Variants in SMPD2 observed in about 807,000 individuals in gnomAD.
The protein encoded by SMPD2 is sphingomyelin phosphodiesterase 2.
Under a neutral mutation model 41.7 loss-of-function variants are expected in SMPD2, and 35 were observed. The ratio of observed to expected loss-of-function variants is 0.84; its 90% CI spans 0.64 to 1.11. The LOEUF (loss-of-function observed/expected upper bound fraction) is 1.11, where lower values mean the gene tolerates loss of function less well. Among genes scored for constraint, SMPD2 ranks in the 50% most tolerant of loss-of-function variants. SMPD2 has a pLI of 0.00. For missense variants in SMPD2, 520 were observed against 524.8 expected (o/e 0.99, Z 0.09); for synonymous variants, 201 against 208.2 (o/e 0.97, Z 0.30).
intron 8 of SMPD2, 92 bp from the exon 9 acceptor site, chr6:109,443,175 C>G: frequency 6.4e-7 from 1 of 1,552,952 alleles, no homozygotes; most frequent in Non-Finnish European, 8.9e-7. Context: ...AGTCTTGGAC[C>G]ACTGATGGGT....
In SMPD2 at chr6:109,442,004, C is replaced by T. The variant is rs937507305; in HGVS notation, c.255C>T (p.Phe85=). 9.3e-6 allele frequency: 15 copies of T among 1,614,104 alleles called. No individual in the cohort carries two copies. Among genetic ancestry groups the T allele is most frequent in the Non-Finnish European group, 1.1e-5 (13 of 1,180,034 alleles). The change falls in exon 4 of 10, where the codon TTC becomes TTT. Residue 85 remains phenylalanine (F), a synonymous_variant. Transcript: ENST00000258052. ...SGIIGSGLCV[F]SKHPIQELTQ... ...TCATTGGCAGTGGCCTCTGTGTCTT[C>T]TCCAAACATCCAATCCAGGAGCTTA...
chr6:109,442,236 G>C lies in SMPD2; in HGVS notation c.345G>C (p.Gly115=). The change falls in exon 5 of 10, where the codon GGG becomes GGC. Residue 115 remains glycine (G), a synonymous_variant. Transcript: ENST00000258052. The part of the protein sequence containing the change: ...YMIHHGDWFS[G]KAVGLLVLHL... Reference sequence around the variant, plus strand: ...TCCATCATGGTGACTGGTTCAGTGGGAAGGCTGTGGGGCTGCTGGTGCTCC... The same window carrying C: ...TCCATCATGGTGACTGGTTCAGTGGCAAGGCTGTGGGGCTGCTGGTGCTCC... 1 of 1,614,196 alleles carries C rather than the reference G, an allele frequency of 6.2e-7. No individual in the cohort carries two copies. Among genetic ancestry groups the C allele is most frequent in the Non-Finnish European group, 8.5e-7 (1 of 1,180,018 alleles).
chr6:109,441,106 C>G lies in SMPD2; in HGVS notation c.-16C>G. ...GGAGAGTTCGAGCCGCCTAGCGCCC[C>G]TGGAGCTCCCCAACCATGAAGCCCA... On this transcript the variant is annotated 5_prime_UTR_variant, in exon 1 of 10. Coordinates refer to ENST00000258052, the MANE Select transcript of SMPD2 (RefSeq NM_003080.3). 6.2e-7 allele frequency: 1 copy of G among 1,614,000 alleles called. No homozygotes were observed. The highest frequency in any genetic ancestry group is 2.2e-5 in the East Asian group (1 of 44,864).
rs1774870828 is a variant in SMPD2, at chr6:109,441,345, T to A, written c.51-12T>A. ...GCAGTCGCCTCCCCTGCCCCGCTCT[T>A]CCCTTCCTTAGGGGCATTCCGTACT... On this transcript the variant is annotated splice_polypyrimidine_tract_variant and intron_variant, in intron 1 of 9. Transcript: ENST00000258052. 6.2e-7 allele frequency: 1 copy of A among 1,612,688 alleles called. No homozygotes were observed. The highest frequency in any genetic ancestry group is 1.7e-5 in the Admixed American group (1 of 60,000).
chr6:109,442,876 G>C lies in SMPD2; in HGVS notation c.616G>C (p.Asp206His). 1 of 1,612,494 alleles carries C rather than the reference G, an allele frequency of 6.2e-7. No individual in the cohort carries two copies. The highest frequency in any genetic ancestry group is 1.7e-4 in the Middle Eastern group (1 of 6,058). The change falls in exon 7 of 10, where the codon GAC becomes CAC. Residue 206 changes from aspartate to histidine, a missense_variant. Asp to His is a moderately conservative substitution (Grantham distance 81). Coordinates refer to ENST00000258052, the MANE Select transcript of SMPD2 (RefSeq NM_003080.3). Reference sequence around the variant, plus strand: ...TCATGATGCCTATCTTGAAACTCGGGACTTCAAGGTGAGGACTTGCCTGTT... The same window carrying C: ...TCATGATGCCTATCTTGAAACTCGGCACTTCAAGGTGAGGACTTGCCTGTT... ...GLHDAYLETRDFKGSEEGNTM... is the reference protein window; with the variant it reads ...GLHDAYLETRHFKGSEEGNTM...
Position 109,443,741 on chromosome 6 carries a change from G to A in SMPD2, c.1108G>A (p.Ala370Thr), listed in dbSNP as rs374354570. 7 of 1,613,882 alleles carry A rather than the reference G, an allele frequency of 4.3e-6. No homozygotes were observed. In the African/African-American group the frequency reaches 8.0e-5, roughly 18 times the overall value. Residue 370 changes from alanine (A) to threonine (T), a missense_variant, in exon 10 of 10, where the codon GCA (alanine) becomes ACA (threonine). Transcript: ENST00000258052. Reference sequence around the variant, plus strand: ...TGTAGGGCTGGTGCTGTGGGCAGGTGCATTCTACCTCTTCCACGTACAGGA... The same window carrying A: ...TGTAGGGCTGGTGCTGTGGGCAGGTACATTCTACCTCTTCCACGTACAGGA... ...PSVGLVLWAG[A>T]FYLFHVQEVN...
chr6:109,441,173 T>G lies in SMPD2; in HGVS notation c.50+2T>G, dbSNP rs768987055. 2.8e-5 allele frequency: 45 copies of G among 1,614,124 alleles called. No homozygotes were observed. Among genetic ancestry groups the G allele is most frequent in the South Asian group, 3.3e-5 (3 of 91,076 alleles). ...GCGGATCTTCAACCTCAACTGCTGG[T>G]GAGTGCGTCTGCGGAGTGCGGTCTG... On this transcript the variant is annotated splice_donor_variant, in intron 1 of 9. Coordinates refer to ENST00000258052, the MANE Select transcript of SMPD2 (RefSeq NM_003080.3). LOFTEE classifies it high-confidence loss of function.
intron 6 of SMPD2, 31 bp downstream of exon 6, chr6:109,442,656 G>C (rs769311855): frequency 6.2e-7 from 1 of 1,614,188 alleles, no homozygotes; most frequent in East Asian, 2.2e-5. Flanking sequence ...AATGGGAAGT[G>C]GGATGGGACC....
At position 109,442,069 on chromosome 6, in the gene SMPD2, T is replaced by C. The variant is rs1156896505; in HGVS notation, c.318+2T>C. 1.1e-5 allele frequency: 17 copies of C among 1,609,584 alleles called. No individual in the cohort carries two copies. Among genetic ancestry groups the C allele is most frequent in the Non-Finnish European group, 1.4e-5 (17 of 1,175,966 alleles). ...ACTCTCAATGGCTACCCCTACATGG[T>C]AAGGCAGACCTTTGACCTCTTCCAC... On this transcript the variant is annotated splice_donor_variant, in intron 4 of 9. Transcript: ENST00000258052. LOFTEE classifies it high-confidence loss of function.
rs531649765 is a variant in SMPD2 at position 109,443,020 on chromosome 6, T to C, written c.668T>C (p.Val223Ala). ...ACAATGGTACCCAAGAACTGCTACG[T>C]CAGCCAGCAGGAGCTGAAGCCATTT... ...GNTMVPKNCY[V>A]SQQELKPFPF... Residue 223 changes from valine (V) to alanine (A), a missense_variant, in exon 8 of 10, where the codon GTC becomes GCC. Transcript: ENST00000258052. 20 of 1,614,234 alleles carry C rather than the reference T, an allele frequency of 1.2e-5. No individual in the cohort carries two copies. The African/African-American group carries it at 2.5e-4, about 20-fold the overall frequency.
chr6:109,442,485 C>A, intron 5 of SMPD2, 58 bp from the exon 6 acceptor site: 1 of 1,498,880 alleles, frequency 6.7e-7, no homozygotes, highest in South Asian at 1.2e-5. Context: ...AGGCTTGATT[C>A]AGACATACCC....
rs146318470 is a variant in SMPD2, at chr6:109,443,552, A to C, written c.919A>C (p.Lys307Gln). The C allele has an allele frequency of 1.7e-5, 27 of 1,613,414 alleles. No homozygotes were observed. In the African/African-American group the frequency reaches 3.6e-4, roughly 22 times the overall value. ...AERSPLMCVL[K>Q]EAWTELGLGM... ...GAGGTCGCCGTTGATGTGTGTGCTAAAGGAGGCCTGGACGGAGCTGGGTCT... is the reference window on the plus strand; with the variant it reads ...GAGGTCGCCGTTGATGTGTGTGCTACAGGAGGCCTGGACGGAGCTGGGTCT... The change falls in exon 10 of 10, where the codon AAG (lysine) becomes CAG (glutamine). Residue 307 changes from lysine (K) to glutamine (Q), a missense_variant. Coordinates refer to ENST00000258052, the MANE Select transcript of SMPD2 (RefSeq NM_003080.3).
rs199819995 is a variant in SMPD2 at position 109,442,578 on chromosome 6, C to T, written c.444C>T (p.Tyr148=). Residue 148 remains tyrosine, a synonymous_variant, in exon 6 of 10, where the codon TAC becomes TAT. Transcript: ENST00000258052. ...AATACAATCGACAGAAGGACATCTA[C>T]CTAGCACATCGTGTGGCCCAAGCTT... ...HAEYNRQKDI[Y]LAHRVAQAWE... is the part of the protein sequence containing the mutation. 8 of 1,614,070 alleles carry T rather than the reference C, an allele frequency of 5.0e-6. No individual in the cohort carries two copies. In the Admixed American group the frequency reaches 1.3e-4, roughly 27 times the overall value.
In SMPD2 at chr6:109,443,029, A is replaced by G. The variant is rs1427553043; in HGVS notation, c.677A>G (p.Gln226Arg). The G allele has an allele frequency of 4.3e-6, 7 of 1,614,232 alleles. No homozygotes were observed. The East Asian group carries it at 1.6e-4, about 36-fold the overall frequency. ...CCCAAGAACTGCTACGTCAGCCAGCAGGAGCTGAAGCCATTTCCCTTTGGT... is the reference window on the plus strand; with the variant it reads ...CCCAAGAACTGCTACGTCAGCCAGCGGGAGCTGAAGCCATTTCCCTTTGGT... Reference protein sequence around the residue: ...MVPKNCYVSQQELKPFPFGVR... With the variant: ...MVPKNCYVSQRELKPFPFGVR... The change falls in exon 8 of 10, where the codon CAG (glutamine) becomes CGG (arginine). Residue 226 changes from glutamine to arginine, a missense_variant. Coordinates refer to ENST00000258052, the MANE Select transcript of SMPD2 (RefSeq NM_003080.3).
At position 109,443,520 on chromosome 6, in the gene SMPD2, C is replaced by T; in HGVS notation, c.887C>T (p.Pro296Leu). The change falls in exon 10 of 10, where the codon CCA (proline) becomes CTA (leucine). Residue 296 changes from proline (P) to leucine (L), a missense_variant. Coordinates refer to ENST00000258052, the MANE Select transcript of SMPD2 (RefSeq NM_003080.3). ...CCACTGCCCTGCTCTGTTGTAGGAC[C>T]AGCAGAGAGGTCGCCGTTGATGTGT... ...PQQNPSSTHGPAERSPLMCVL... is the reference protein window; with the variant it reads ...PQQNPSSTHGLAERSPLMCVL... 6.2e-7 allele frequency: 1 copy of T among 1,609,568 alleles called. No individual in the cohort carries two copies. The highest frequency in any genetic ancestry group is 1.3e-5 in the African/African-American group (1 of 74,976).
At position 109,442,596 on chromosome 6, in the gene SMPD2, C is replaced by T. The variant is rs1774972381; in HGVS notation, c.462C>T (p.Ala154=). 1 of 1,613,992 alleles carries T rather than the reference C, an allele frequency of 6.2e-7. No individual in the cohort carries two copies. The highest frequency in any genetic ancestry group is 1.3e-5 in the African/African-American group (1 of 74,904). The change falls in exon 6 of 10, where the codon GCC becomes GCT. Residue 154 remains alanine, a synonymous_variant. Coordinates refer to ENST00000258052, the MANE Select transcript of SMPD2 (RefSeq NM_003080.3). ...QKDIYLAHRV[A]QAWELAQFIH... is the part of the protein sequence containing the mutation. ...ACATCTACCTAGCACATCGTGTGGC[C>T]CAAGCTTGGGAATTGGCCCAGTTCA...
intron 1 of SMPD2, 29 bp from the exon 2 acceptor site, chr6:109,441,322 AGTCGCC>A: frequency 6.2e-7 from 1 of 1,602,372 alleles, no homozygotes; most frequent in South Asian, 1.1e-5. Flanking sequence ...TGGTCCCAGC[AGTCGCC>A]TCCCCTGCCC....
At position 109,441,389 on chromosome 6, in the gene SMPD2, AC is replaced by A; in HGVS notation, c.85del (p.Arg29AlafsTer2). ...CCGTACTTGAGCAAGCACCGGGCCG[AC>A]CGCATGAGGCGCCTGGGAGACTTTC... The part of the protein sequence containing the change: ...GIPYLSKHRA[D>X]RMRRLGDFLN... On this transcript the variant is annotated frameshift_variant, in exon 2 of 10. Coordinates refer to ENST00000258052, the MANE Select transcript of SMPD2 (RefSeq NM_003080.3). LOFTEE classifies it high-confidence loss of function. The A allele has an allele frequency of 6.2e-7, 1 of 1,614,062 alleles. No homozygotes were observed. The highest frequency in any genetic ancestry group is 2.2e-5 in the East Asian group (1 of 44,876).
In SMPD2 at chr6:109,443,582, A is replaced by G. The variant is rs768133766; in HGVS notation, c.949A>G (p.Met317Val). ...GGCCTGGACGGAGCTGGGTCTGGGC[A>G]TGGCTCAGGCTCGCTGGTGGGCCAC... is the stretch of plus-strand genomic sequence containing the variant. ...KEAWTELGLG[M>V]AQARWWATFA... The change falls in exon 10 of 10, where the codon ATG becomes GTG. Residue 317 changes from methionine to valine, a missense_variant. Physicochemically the swap from Met to Val is conservative, Grantham distance 21. Coordinates refer to ENST00000258052, the MANE Select transcript of SMPD2 (RefSeq NM_003080.3). The G allele has an allele frequency of 8.7e-6, 14 of 1,613,860 alleles. No homozygotes were observed. The highest frequency in any genetic ancestry group is 1.6e-4 in the Middle Eastern group (1 of 6,082).
Sources: allele counts gnomAD v4.1 joint callset, GRCh38; gene constraint gnomAD v4.1.1; transcripts MANE v1.5; gene names NCBI Gene and HGNC (gene_info 2026-07-23, HGNC 2026-07-21).